GPC3: variants seen among roughly 807,000 people sequenced by gnomAD.
GPC3 encodes glypican-3.
A neutral mutation model predicts 34.4 loss-of-function variants in GPC3; 3 were observed. The observed-to-expected ratio is 0.09, with a 90% CI of 0.04 to 0.23. GPC3 has a LOEUF of 0.23. Ranked by LOEUF, GPC3 falls within the 10% of genes least tolerant of loss-of-function variation. GPC3 has a pLI of 1.00. For synonymous variants in GPC3, 177 were observed against 174.0 expected (o/e 1.02, Z -0.13); for missense variants, 351 against 445.6 (o/e 0.79, Z 1.91).
intron 2 of GPC3, among the ~76,000 whole-genome samples, chrX:133,901,040 C>G (rs1311660793): frequency 8.9e-6 from 1 of 112,233 alleles, no homozygotes; most frequent in Admixed American, 9.4e-5. Flanking sequence ...CTAACCACTT[C>G]TGTTTCTGAA....
intron 2 of GPC3, among the ~76,000 whole-genome samples, chrX:133,842,266 C>T (rs1197564510): frequency 1.9e-5 from 2 of 107,853 alleles, no homozygotes; most frequent in Admixed American, 1.0e-4. Context: ...TGCAGTGAGC[C>T]GAGATTGTGC....
chrX:133,550,298 A>G (rs1340321418), intron 7 of GPC3, among the ~76,000 whole-genome samples: 1 of 111,000 alleles, frequency 9.0e-6, no homozygotes. Context: ...TACAGGAGTG[A>G]GCCACTGTGA....
At chrX:133,896,929 T>C (rs761485335) in intron 2 of GPC3, among the ~76,000 whole-genome samples, 49 of 99,662 alleles carry the variant, frequency 4.9e-4, no homozygotes, top group Non-Finnish European at 6.9e-4. Flanking sequence ...TTTTTTGAGA[T>C]GGAGTCTCGC....
intron 6 of GPC3, among the ~76,000 whole-genome samples, chrX:133,603,835 A>G (rs2070015757): frequency 8.9e-6 from 1 of 112,190 alleles, no homozygotes; most frequent in African/African-American, 3.2e-5. Flanking sequence ...GTATGGCAGC[A>G]TGGGACAATG....
intron 6 of GPC3, among the ~76,000 whole-genome samples, chrX:133,601,537 C>T (rs1211661623): frequency 1.8e-5 from 2 of 111,911 alleles, no homozygotes; most frequent in East Asian, 2.8e-4. Context: ...TGGGATGATG[C>T]ATCTATCCAT....
At chrX:133,766,454 A>G (rs1320482641) in intron 2 of GPC3, among the ~76,000 whole-genome samples, 3 of 112,246 alleles carry the variant, frequency 2.7e-5, no homozygotes, top group Non-Finnish European at 5.6e-5. Context: ...TAGTTATAAA[A>G]GTATTAATCT....
chrX:133,752,019 C>T (rs1188305515), intron 3 of GPC3, among the ~76,000 whole-genome samples: 2 of 110,802 alleles, frequency 1.8e-5, no homozygotes, highest in Non-Finnish European at 3.8e-5. Flanking sequence ...CCATGCCTGG[C>T]TAATTTTTTG....
At chrX:133,635,101 G>C (rs2070406048) in intron 6 of GPC3, among the ~76,000 whole-genome samples, 1 of 111,439 alleles carries the variant, frequency 9.0e-6, no homozygotes, top group Non-Finnish European at 1.9e-5. Flanking sequence ...TGAAATTCCT[G>C]CTCTTCTGAA....
intron 2 of GPC3, among the ~76,000 whole-genome samples, chrX:133,895,736 C>T (rs1048666563): frequency 6.3e-5 from 7 of 111,057 alleles, no homozygotes; most frequent in Non-Finnish European, 1.1e-4. Flanking sequence ...CTTTAAACAG[C>T]GCACACACAC....
intron 7 of GPC3, among the ~76,000 whole-genome samples, chrX:133,595,027 C>G: frequency 9.1e-6 from 1 of 110,442 alleles, no homozygotes; most frequent in East Asian, 2.8e-4. Flanking sequence ...CCATTGCACT[C>G]CAGCCTAGGG....
chrX:133,742,806 A>C (rs1273275848), intron 3 of GPC3, among the ~76,000 whole-genome samples: 1 of 112,210 alleles, frequency 8.9e-6, no homozygotes, highest in Non-Finnish European at 1.9e-5. Flanking sequence ...GCTTAGATAG[A>C]TTCTCAGTAA....
At chrX:133,654,711 C>CAAAAAAAA (rs200711396) in intron 6 of GPC3, among the ~76,000 whole-genome samples, 3 of 95,402 alleles carry the variant, frequency 3.1e-5, no homozygotes, top group African/African-American at 1.5e-4. Context: ...GACTCCGTCT[C>CAAAAAAAA]AAAAAACAAA....
At chrX:133,915,715 C>T (rs2076221126) in intron 2 of GPC3, among the ~76,000 whole-genome samples, 2 of 112,149 alleles carry the variant, frequency 1.8e-5, no homozygotes, top group Non-Finnish European at 3.8e-5. Flanking sequence ...AAGAAGTCTG[C>T]AACATTATGT....
chrX:133,605,197 A>G (rs1326119666), intron 6 of GPC3, among the ~76,000 whole-genome samples: 1 of 110,080 alleles, frequency 9.1e-6, no homozygotes, highest in Admixed American at 9.7e-5. Flanking sequence ...AAAGTATAGC[A>G]GTTAAGGGCA....
intron 7 of GPC3, among the ~76,000 whole-genome samples, chrX:133,576,366 C>T (rs1255773437): frequency 9.0e-6 from 1 of 111,268 alleles, no homozygotes; most frequent in Non-Finnish European, 1.9e-5. Flanking sequence ...GCCTCATCCT[C>T]CTGAGTAGCT....
intron 6 of GPC3, among the ~76,000 whole-genome samples, chrX:133,621,574 C>G (rs186102122): frequency 8.9e-6 from 1 of 112,028 alleles, no homozygotes; most frequent in Non-Finnish European, 1.9e-5. Context: ...AGTCTGAGAT[C>G]GAACTGCAAG....
At chrX:133,828,191 C>T in intron 2 of GPC3, among the ~76,000 whole-genome samples, 1 of 110,504 alleles carries the variant, frequency 9.0e-6, no homozygotes, top group East Asian at 2.9e-4. Context: ...GAGTCTTGCT[C>T]TGTTGCTCAG....
At chrX:133,567,952 C>A in intron 7 of GPC3, among the ~76,000 whole-genome samples, 1 of 111,890 alleles carries the variant, frequency 8.9e-6, no homozygotes, top group Non-Finnish European at 1.9e-5. Flanking sequence ...ATATTTTGGC[C>A]AAGGATAAAC....
At chrX:133,638,746 C>T (rs1475766125) in intron 6 of GPC3, among the ~76,000 whole-genome samples, 1 of 108,651 alleles carries the variant, frequency 9.2e-6, no homozygotes, top group Non-Finnish European at 1.9e-5. Flanking sequence ...CTTTTGGCTT[C>T]CCTGGGCCAC....
Sources: allele counts gnomAD v4.1 joint callset (sites outside exome capture counted in the v4.1 genomes callset), GRCh38; gene constraint gnomAD v4.1.1; transcripts MANE v1.5; gene names NCBI Gene and HGNC (gene_info 2026-07-23, HGNC 2026-07-21).